ADAMTS17: variants seen among roughly 807,000 people sequenced by gnomAD.
ADAMTS17 encodes the protein A disintegrin and metalloproteinase with thrombospondin motifs 17.
Under a neutral mutation model 141.5 loss-of-function variants are expected in ADAMTS17, and 113 were observed. That is an observed-to-expected ratio of 0.80 (90% CI 0.69 to 0.93). ADAMTS17 has a LOEUF of 0.93. Among genes scored for constraint, ADAMTS17 ranks in the 40% least tolerant of loss-of-function variants. The pLI, the probability that ADAMTS17 is intolerant of heterozygous loss-of-function variation, is 0.00. For synonymous variants in ADAMTS17, 768 were observed against 630.6 expected (o/e 1.22, Z -3.27); for missense variants, 1,659 against 1,517.9 (o/e 1.09, Z -1.54).
chr15:100,106,727 C>T (rs559915176), intron 14 of ADAMTS17, among the ~76,000 whole-genome samples: 6 of 152,160 alleles, frequency 3.9e-5, no homozygotes, highest in East Asian at 1.9e-4. Context: ...TTGGGAGGAA[C>T]GTTAAGTCGT....
chr15:100,079,860 G>T (rs192347941), intron 15 of ADAMTS17, among the ~76,000 whole-genome samples: 3 of 152,134 alleles, frequency 2.0e-5, no homozygotes, highest in Non-Finnish European at 4.4e-5. Flanking sequence ...AAGAGGTGTG[G>T]CAGTGGGCTT....
intron 8 of ADAMTS17, among the ~76,000 whole-genome samples, chr15:100,177,682 T>C (rs1405201394): frequency 6.6e-6 from 1 of 152,204 alleles, no homozygotes; most frequent in Non-Finnish European, 1.5e-5. Context: ...TTTGGTTCTA[T>C]ATCCTTGCTA....
At chr15:100,111,683 G>A (rs994160109) in intron 13 of ADAMTS17, among the ~76,000 whole-genome samples, 1 of 152,254 alleles carries the variant, frequency 6.6e-6, no homozygotes, top group African/African-American at 2.4e-5. Flanking sequence ...TCAGTACTGG[G>A]AGTAATTGAG....
intron 18 of ADAMTS17, among the ~76,000 whole-genome samples, chr15:100,005,008 G>A (rs945159916): frequency 1.3e-5 from 2 of 152,106 alleles, no homozygotes; most frequent in African/African-American, 4.8e-5. Flanking sequence ...TGCCTGCCTC[G>A]GCCTCCCAAA....
rs139340304 is a variant in ADAMTS17 at position 100,144,797 on chromosome 15, C to T, written c.1473+7815G>A. Among the ~76,000 whole-genome samples, 226 of 152,102 alleles carry T rather than the reference C, an allele frequency of 1.5e-3. 3 individuals carry two copies. The East Asian group carries it at 0.034, about 23-fold the overall frequency. On this transcript the variant is annotated intron_variant, in intron 10 of 21. Transcript: ENST00000268070. ...GCGTGTCGATGAGAAACGCCACCCC[C>T]GAGACCAGGGAGGCCTCTCCCTCCT...
At chr15:100,060,829 C>T (rs916904108) in intron 15 of ADAMTS17, among the ~76,000 whole-genome samples, 2 of 152,220 alleles carry the variant, frequency 1.3e-5, no homozygotes, top group Non-Finnish European at 2.9e-5. Flanking sequence ...TCAGGAATTG[C>T]TCCCAGCAAA....
At chr15:100,315,709 T>C (rs1453126905) in intron 3 of ADAMTS17, among the ~76,000 whole-genome samples, 1 of 151,862 alleles carries the variant, frequency 6.6e-6, no homozygotes, top group East Asian at 1.9e-4. Flanking sequence ...GGCCTAAAAA[T>C]ACACTAAAAG....
chr15:100,016,274 G>GT (rs761023116), intron 18 of ADAMTS17, among the ~76,000 whole-genome samples: 1 of 152,098 alleles, frequency 6.6e-6, no homozygotes, highest in Middle Eastern at 3.4e-3. Context: ...TTCTTGTATC[G>GT]TTTTTTGGAT....
In ADAMTS17 at chr15:100,066,362, C is replaced by T. The variant is rs112127714; in HGVS notation, c.2138-12308G>A. 7.6e-3 allele frequency among the ~76,000 whole-genome samples: 1,139 copies of T among 149,428 alleles called. 12 individuals carry two copies. The highest frequency in any genetic ancestry group is 0.027 in the African/African-American group (1,088 of 40,688). On this transcript the variant is annotated intron_variant, in intron 15 of 21. Transcript: ENST00000268070. ...ATCACGCTTGTCAGGGCTTAGATGG[C>T]ATATGGATACACGTCTTAGATTTTT...
intron 7 of ADAMTS17, among the ~76,000 whole-genome samples, chr15:100,204,829 A>G (rs8029126): frequency 0.98 from 149,434 of 152,292 alleles, 73,396 homozygotes; most frequent in East Asian, 1. Flanking sequence ...GAGTGAGGTA[A>G]GGAGTCACCT....
chr15:100,063,028 C>T (rs1315485131), intron 15 of ADAMTS17, among the ~76,000 whole-genome samples: 1 of 152,136 alleles, frequency 6.6e-6, no homozygotes, highest in Non-Finnish European at 1.5e-5. Context: ...GGGAATTGGG[C>T]CAAGGATACC....
intron 9 of ADAMTS17, 28 bp from the exon 10 acceptor site, chr15:100,152,790 T>A (rs963141750): frequency 6.2e-7 from 1 of 1,613,830 alleles, no homozygotes; most frequent in Admixed American, 1.7e-5. Context: ...CAAGTTGACT[T>A]GCAAATGTAC....
At chr15:100,234,392 A>C (rs907770355) in intron 7 of ADAMTS17, among the ~76,000 whole-genome samples, 1 of 152,216 alleles carries the variant, frequency 6.6e-6, no homozygotes, top group African/African-American at 2.4e-5. Context: ...TGATGCTACC[A>C]GTAAGGAAGA....
At chr15:100,201,526 C>G (rs2041333210) in intron 7 of ADAMTS17, among the ~76,000 whole-genome samples, 1 of 152,252 alleles carries the variant, frequency 6.6e-6, no homozygotes, top group African/African-American at 2.4e-5. Context: ...ATCCTCCTTC[C>G]TCATCCGCTC....
intron 8 of ADAMTS17, among the ~76,000 whole-genome samples, chr15:100,159,049 A>G (rs34331320): frequency 0.046 from 7,071 of 152,322 alleles, 185 homozygotes; most frequent in South Asian, 0.068. Flanking sequence ...GATGCTATGA[A>G]AAAAACAGTA....
chr15:100,140,508 T>TATATATA (rs61080608), intron 10 of ADAMTS17, among the ~76,000 whole-genome samples: 1 of 139,626 alleles, frequency 7.2e-6, no homozygotes, highest in Non-Finnish European at 1.6e-5. Context: ...TATATATATA[T>TATATATA]CCAGTAAAGA....
chr15:100,330,868 C>A, intron 3 of ADAMTS17, 21 bp downstream of exon 3: 2 of 1,613,444 alleles, frequency 1.2e-6, no homozygotes, highest in South Asian at 2.2e-5. Context: ...CTAAGCTGGT[C>A]ATGCTGCTGC....
intron 18 of ADAMTS17, among the ~76,000 whole-genome samples, chr15:100,030,395 G>T (rs957338400): frequency 6.6e-6 from 1 of 152,190 alleles, no homozygotes; most frequent in Non-Finnish European, 1.5e-5. Flanking sequence ...ATACAGGTTA[G>T]CAGACAGAAG....
intron 12 of ADAMTS17, among the ~76,000 whole-genome samples, chr15:100,122,039 A>T (rs1009309810): frequency 6.6e-6 from 1 of 152,126 alleles, no homozygotes; most frequent in Non-Finnish European, 1.5e-5. Context: ...CTCTCTAACA[A>T]GGTCCAAGGA....
Sources: allele counts gnomAD v4.1 joint callset (sites outside exome capture counted in the v4.1 genomes callset), GRCh38; gene constraint gnomAD v4.1.1; transcripts MANE v1.5; gene names NCBI Gene and HGNC (gene_info 2026-07-23, HGNC 2026-07-21).